The following PRUNE2 variants were observed in gnomAD, a reference collection of about 807,000 sequenced individuals.
PRUNE2 encodes the protein prune homolog 2 with BCH domain.
In PRUNE2, 164 loss-of-function variants were observed where a neutral mutation model predicts 252.0. The observed-to-expected ratio is 0.65, with a 90% confidence interval of 0.57 to 0.74. The LOEUF (loss-of-function observed/expected upper bound fraction) is 0.74, where lower values mean the gene tolerates loss of function less well. Among genes scored for constraint, PRUNE2 ranks in the 30% least tolerant of loss-of-function variants. The pLI, the probability that PRUNE2 is intolerant of heterozygous loss-of-function variation, is 0.00. For synonymous variants in PRUNE2, 1,292 were observed against 1,350.2 expected, an observed-to-expected ratio of 0.96 and a Z score of 0.94; for missense variants, 3,495 against 3,711.0, an observed-to-expected ratio of 0.94 and a Z score of 1.51.
At chr9:76,800,053 C>CT (rs1188551783) in intron 6 of PRUNE2, among the ~76,000 whole-genome samples, 2 of 151,524 alleles carry the variant, frequency 1.3e-5, no homozygotes, top group Non-Finnish European at 2.9e-5. Flanking sequence ...CTCTCTCTTT[C>CT]TTTTTTTTTA....
At chr9:76,624,563 G>C in intron 16 of PRUNE2, 73 bp from the exon 17 acceptor site, 1 of 1,066,776 alleles carries the variant, frequency 9.4e-7, no homozygotes, top group Non-Finnish European at 1.3e-6. Context: ...CAGTCACTCA[G>C]CAAAGCAGGG....
chr9:76,755,422 A>G (rs1424574784), intron 6 of PRUNE2, among the ~76,000 whole-genome samples: 3 of 150,798 alleles, frequency 2.0e-5, no homozygotes, highest in African/African-American at 7.4e-5. Context: ...AGTGAACACC[A>G]TGTGCCACTC....
At chr9:76,621,664 G>A (rs1832377092) in intron 17 of PRUNE2, among the ~76,000 whole-genome samples, 1 of 151,994 alleles carries the variant, frequency 6.6e-6, no homozygotes, top group African/African-American at 2.4e-5. Flanking sequence ...GCATCACTGG[G>A]AACTTGTTAG....
chr9:76,639,431 C>T (rs1841604812), intron 12 of PRUNE2, among the ~76,000 whole-genome samples: 1 of 152,176 alleles, frequency 6.6e-6, no homozygotes, highest in African/African-American at 2.4e-5. Flanking sequence ...GCAGAGGTTG[C>T]AGTGAGCCAA....
At chr9:76,673,593 C>G (rs1348349528) in intron 9 of PRUNE2, among the ~76,000 whole-genome samples, 2 of 146,974 alleles carry the variant, frequency 1.4e-5, no homozygotes, top group East Asian at 3.9e-4. Flanking sequence ...CAGGCAGAGA[C>G]ACAACAAAAA....
At chr9:76,852,882 C>T (rs1041245800) in intron 2 of PRUNE2, among the ~76,000 whole-genome samples, 5 of 151,774 alleles carry the variant, frequency 3.3e-5, no homozygotes, top group Admixed American at 3.3e-4. Flanking sequence ...ACTTTTTCTA[C>T]CCCTTTTATT....
chr9:76,669,297 C>G (rs1166770613), intron 9 of PRUNE2, among the ~76,000 whole-genome samples: 1 of 145,614 alleles, frequency 6.9e-6, no homozygotes, highest in East Asian at 2.1e-4. Context: ...CCACCACCCT[C>G]TCAAGAATGT....
Position 76,705,959 on chromosome 9 carries a change from A to C in PRUNE2, c.6315T>G (p.Pro2105=). 2 of 1,613,978 alleles carry C rather than the reference A, an allele frequency of 1.2e-6. No individual in the cohort carries two copies. The highest frequency in any genetic ancestry group is 1.7e-6 in the Non-Finnish European group (2 of 1,179,874). Residue 2105 remains proline (P), a synonymous_variant, in exon 8 of 19, where the codon CCT becomes CCG. Coordinates refer to ENST00000376718, the MANE Select transcript of PRUNE2 (RefSeq NM_015225.3). The part of the protein sequence containing the change: ...HDSNSQASDS[P]DICHDSEAKQ... ...TTGCTTCAGAATCGTGACATATATCAGGGCTGTCGGAAGCCTGAGAATTGC... is the reference window on the plus strand; with the variant it reads ...TTGCTTCAGAATCGTGACATATATCCGGGCTGTCGGAAGCCTGAGAATTGC...
intron 4 of PRUNE2, among the ~76,000 whole-genome samples, chr9:76,828,747 G>C (rs187501937): frequency 6.6e-6 from 1 of 152,090 alleles, no homozygotes; most frequent in Non-Finnish European, 1.5e-5. Flanking sequence ...CGGGCGCAGC[G>C]GCTCATGCCT....
intron 6 of PRUNE2, among the ~76,000 whole-genome samples, chr9:76,715,947 A>G (rs1404677626): frequency 6.6e-6 from 1 of 152,200 alleles, no homozygotes; most frequent in Non-Finnish European, 1.5e-5. Context: ...AGGCTTCAGC[A>G]CAATAAGCCT....
intron 3 of PRUNE2, 119 bp from the exon 4 acceptor site, chr9:76,846,797 G>T: frequency 4.1e-6 from 3 of 727,732 alleles, no homozygotes; most frequent in Non-Finnish European, 6.8e-6. Context: ...AAAATATGAG[G>T]GAACTCACAT....
At chr9:76,700,893 T>A (rs746821213) in intron 9 of PRUNE2, among the ~76,000 whole-genome samples, 1 of 152,230 alleles carries the variant, frequency 6.6e-6, no homozygotes, top group Non-Finnish European at 1.5e-5. Context: ...GCTTAACACC[T>A]GGTCCAACAG....
At chr9:76,647,821 G>C (rs696824) in intron 11 of PRUNE2, among the ~76,000 whole-genome samples, 119,947 of 152,074 alleles carry the variant, frequency 0.79, 47,382 homozygotes, top group South Asian at 0.86. Flanking sequence ...CATTAGCTGC[G>C]CATGGTGGCA....
At chr9:76,791,648 T>C (rs1287102708) in intron 6 of PRUNE2, among the ~76,000 whole-genome samples, 2 of 152,168 alleles carry the variant, frequency 1.3e-5, no homozygotes, top group African/African-American at 4.8e-5. Context: ...ACAATAATAC[T>C]GTACCAATAA....
chr9:76,890,897 AT>A (rs1289914735), intron 1 of PRUNE2, among the ~76,000 whole-genome samples: 1 of 152,218 alleles, frequency 6.6e-6, no homozygotes, highest in Non-Finnish European at 1.5e-5. Flanking sequence ...GGTTTTCTTT[AT>A]TCACCAGCGT....
chr9:76,846,324 A>G (rs1237900462), intron 4 of PRUNE2, among the ~76,000 whole-genome samples, 191 bp downstream of exon 4: 1 of 152,160 alleles, frequency 6.6e-6, no homozygotes, highest in South Asian at 2.1e-4. Context: ...CTATTTTTAA[A>G]TGCACATTTT....
intron 6 of PRUNE2, among the ~76,000 whole-genome samples, chr9:76,746,099 A>G (rs540254612): frequency 2.0e-4 from 31 of 152,308 alleles, no homozygotes; most frequent in African/African-American, 7.0e-4. Context: ...GGGCAGCAGG[A>G]TGTGATATTG....
intron 6 of PRUNE2, among the ~76,000 whole-genome samples, chr9:76,719,205 A>G (rs1299820997): frequency 1.3e-5 from 2 of 152,190 alleles, no homozygotes; most frequent in Admixed American, 1.3e-4. Flanking sequence ...AGCCTACTGA[A>G]AGTTTCCCAA....
chr9:76,703,967 T>A lies in PRUNE2; in HGVS notation c.7646A>T (p.Asp2549Val). Residue 2549 changes from aspartate (D) to valine (V), a missense_variant, in exon 9 of 19, where the codon GAT becomes GTT. Coordinates refer to ENST00000376718, the MANE Select transcript of PRUNE2 (RefSeq NM_015225.3). ...TTCTTCACGGTTTACAAGTATGTAATCCATGTGTAGTGCATGACGATCTTC... is the reference window on the plus strand; with the variant it reads ...TTCTTCACGGTTTACAAGTATGTAAACCATGTGTAGTGCATGACGATCTTC... ...KNEDRHALHMDYILVNREENS... is the reference protein window; with the variant it reads ...KNEDRHALHMVYILVNREENS... The A allele has an allele frequency of 1.9e-6, 3 of 1,613,962 alleles. No individual in the cohort carries two copies. The highest frequency in any genetic ancestry group is 1.7e-6 in the Non-Finnish European group (2 of 1,179,848).
Sources: allele counts gnomAD v4.1 joint callset (sites outside exome capture counted in the v4.1 genomes callset), GRCh38; gene constraint gnomAD v4.1.1; transcripts MANE v1.5; gene names NCBI Gene and HGNC (gene_info 2026-07-23, HGNC 2026-07-21).